The following NCKAP1L variants were observed in gnomAD, a reference collection of about 807,000 sequenced individuals.
The protein encoded by NCKAP1L is NCK associated protein 1 like, also known as nck-associated protein 1-like.
In NCKAP1L, 53 loss-of-function variants were observed where a neutral mutation model predicts 139.2. The ratio of observed to expected loss-of-function variants is 0.38; its 90% CI spans 0.31 to 0.48. The LOEUF (loss-of-function observed/expected upper bound fraction) is 0.48, where lower values mean the gene tolerates loss of function less well. NCKAP1L is among the 20% of genes least tolerant of loss of function. The pLI is 0.98. For synonymous variants in NCKAP1L, 468 were observed against 499.7 expected, an observed-to-expected ratio of 0.94 and a Z score of 0.85; for missense variants, 1,151 against 1,381.9, an observed-to-expected ratio of 0.83 and a Z score of 2.65.
intron 20 of NCKAP1L, 47 bp downstream of exon 20, chr12:54,524,003 C>A (rs772158731): frequency 1.9e-6 from 3 of 1,582,620 alleles, no homozygotes; most frequent in Non-Finnish European, 1.7e-6. Context: ...TCTTCATACC[C>A]TACCATATAC....
chr12:54,542,524 C>T, intron 30 of NCKAP1L, 51 bp from the exon 31 acceptor site: 2 of 1,375,410 alleles, frequency 1.5e-6, no homozygotes, highest in South Asian at 2.3e-5. Flanking sequence ...CAGGGTATCA[C>T]AGACAAATGC....
chr12:54,520,599 C>A lies in NCKAP1L; in HGVS notation c.1626-95C>A, dbSNP rs1267199408. 27 of 1,288,164 alleles carry A rather than the reference C, an allele frequency of 2.1e-5. 1 individual carries two copies. The East Asian group carries it at 5.6e-4, about 26-fold the overall frequency. The allele number at this position is 1,288,164 out of a possible 1,614,324, so 79.8% of individuals were successfully genotyped here. A position where few individuals can be genotyped will look rare whatever the true frequency, so the allele number is the denominator to read the frequency against. On this transcript the variant is annotated intron_variant, in intron 16 of 30. Transcript: ENST00000293373. ...ATCCTCTCCGCCTCAAAGGGACTAG[C>A]TCTTAAACTCTATTTTTCTTTTCCT... is the stretch of plus-strand genomic sequence containing the variant.
intron 28 of NCKAP1L, chr12:54,536,525 AG>A: frequency 2.9e-6 from 1 of 346,306 alleles, no homozygotes; most frequent in South Asian, 2.7e-5. Context: ...CTAGCTGGGC[AG>A]GGTGGCCTGT....
chr12:54,531,697 A>T (rs1957073033), intron 24 of NCKAP1L, 46 bp from the exon 25 acceptor site: 1 of 1,604,040 alleles, frequency 6.2e-7, no homozygotes, highest in South Asian at 1.1e-5. Context: ...AATCATCACC[A>T]ATCCCTCTCT....
chr12:54,531,917 G>T (rs1054927212), intron 25 of NCKAP1L, 92 bp downstream of exon 25: 17 of 1,124,996 alleles, frequency 1.5e-5, no homozygotes, highest in Admixed American at 2.0e-5. Flanking sequence ...GCGGGAATCA[G>T]TTTTAACTTC....
chr12:54,517,510 A>G (rs998734213), intron 11 of NCKAP1L, 23 bp from the exon 12 acceptor site: 1 of 1,520,718 alleles, frequency 6.6e-7, no homozygotes, highest in African/African-American at 1.4e-5. Flanking sequence ...TGAAAATTCT[A>G]ATAGTCTCTA....
At chr12:54,517,961 C>T in intron 13 of NCKAP1L, 23 bp downstream of exon 13, 1 of 1,613,084 alleles carries the variant, frequency 6.2e-7, no homozygotes, top group Non-Finnish European at 8.5e-7. Flanking sequence ...ATTGATTATA[C>T]TTTGGAAATT....
chr12:54,529,456 C>T (rs375685762), intron 22 of NCKAP1L, among the ~76,000 whole-genome samples: 6 of 152,276 alleles, frequency 3.9e-5, no homozygotes, highest in Middle Eastern at 3.4e-3. Flanking sequence ...AAATCAGGGA[C>T]GCTGCATAGT....
chr12:54,509,793 A>T, intron 6 of NCKAP1L, 34 bp downstream of exon 6: 1 of 1,614,212 alleles, frequency 6.2e-7, no homozygotes, highest in Non-Finnish European at 8.5e-7. Flanking sequence ...TTCCTCAGGC[A>T]AAAGTATATT....
rs10686138 is a variant in NCKAP1L, at chr12:54,519,429, ATTTTTTTT to A, written c.1625+111_1625+118del. Reference sequence around the variant, plus strand: ...CACTTACTTCAAAGAATTTTGTTTAATTTTTTTTTTTTTTTTTTTTTAAAGAGACAGAT... The same window carrying A: ...CACTTACTTCAAAGAATTTTGTTTAATTTTTTTTTTTTTAAAGAGACAGAT... On this transcript the variant is annotated intron_variant, in intron 16 of 30. Transcript: ENST00000293373. The A allele has an allele frequency of 1.0e-5, 5 of 502,084 alleles. No homozygotes were observed. In the Admixed American group the frequency reaches 1.7e-4, roughly 17 times the overall value. The allele number at this position is 502,084 out of a possible 1,614,324, so 31.1% of individuals were successfully genotyped here. A position where few individuals can be genotyped will look rare whatever the true frequency, so the allele number is the denominator to read the frequency against.
intron 27 of NCKAP1L, 100 bp from the exon 28 acceptor site, chr12:54,536,029 G>T: frequency 1.2e-6 from 1 of 819,176 alleles, no homozygotes; most frequent in African/African-American, 1.7e-5. Context: ...TTTCTCCTGC[G>T]ATCCTCACAG....
At chr12:54,501,351 T>C (rs1378217539) in intron 3 of NCKAP1L, among the ~76,000 whole-genome samples, 2 of 152,210 alleles carry the variant, frequency 1.3e-5, no homozygotes. Flanking sequence ...TCCGATCGTA[T>C]GTTGATGGAC....
At chr12:54,528,049 A>G (rs1957040353) in intron 21 of NCKAP1L, among the ~76,000 whole-genome samples, 198 bp from the exon 22 acceptor site, 1 of 152,192 alleles carries the variant, frequency 6.6e-6, no homozygotes, top group Non-Finnish European at 1.5e-5. Flanking sequence ...GGCAAAGTGG[A>G]ATTCCAGTAC....
At chr12:54,512,273 T>A in intron 9 of NCKAP1L, 168 bp downstream of exon 9, 1 of 624,974 alleles carries the variant, frequency 1.6e-6, no homozygotes, top group Non-Finnish European at 2.6e-6. Flanking sequence ...TTCACTGGGT[T>A]TTAGGGACAC....
intron 7 of NCKAP1L, among the ~76,000 whole-genome samples, chr12:54,511,184 C>T (rs1048832256): frequency 1.1e-4 from 16 of 152,310 alleles, no homozygotes; most frequent in Admixed American, 9.8e-4. Context: ...CTGAGTCTTG[C>T]TCTCTTCATT....
At chr12:54,531,190 C>T (rs924806466) in intron 22 of NCKAP1L, 70 bp from the exon 23 acceptor site, 33 of 1,156,862 alleles carry the variant, frequency 2.9e-5, no homozygotes, top group Non-Finnish European at 3.7e-5. Context: ...TTCAAATTAC[C>T]CTATAGCTGT....
At chr12:54,521,500 C>T (rs1956983419) in intron 18 of NCKAP1L, among the ~76,000 whole-genome samples, 1 of 152,194 alleles carries the variant, frequency 6.6e-6, no homozygotes, top group South Asian at 2.1e-4. Flanking sequence ...TGTGCTCTCA[C>T]TTGAAGAGTT....
intron 30 of NCKAP1L, 73 bp from the exon 31 acceptor site, chr12:54,542,502 A>G (rs1957165867): frequency 2.7e-6 from 3 of 1,117,326 alleles, no homozygotes; most frequent in East Asian, 4.7e-5. Flanking sequence ...CCTGGGAACT[A>G]TGCAAAAGGA....
chr12:54,517,474 T>G, intron 11 of NCKAP1L, 59 bp from the exon 12 acceptor site: 1 of 1,100,366 alleles, frequency 9.1e-7, no homozygotes. Flanking sequence ...TAGTTTACTC[T>G]GTGCTTTGAA....
Sources: allele counts gnomAD v4.1 joint callset (sites outside exome capture counted in the v4.1 genomes callset), GRCh38; gene constraint gnomAD v4.1.1; transcripts MANE v1.5; gene names NCBI Gene and HGNC (gene_info 2026-07-23, HGNC 2026-07-21).